Variants in RGPD2 observed in about 807,000 individuals in gnomAD.
RGPD2 encodes the protein RANBP2 like and GRIP domain containing 2, also known as RANBP2-like and GRIP domain-containing protein 2.
Under a neutral mutation model 36.0 loss-of-function variants are expected in RGPD2, and 2 were observed. The ratio of observed to expected loss-of-function variants is 0.06; its 90% confidence interval spans 0.02 to 0.17. RGPD2 has a LOEUF of 0.17. RGPD2 is among the 10% of genes least tolerant of loss of function. The probability of loss-of-function intolerance (pLI) is 1.00; values close to 1 mark genes in which losing one functional copy is unlikely to be tolerated. For synonymous variants in RGPD2, 19 were observed against 163.8 expected, an observed-to-expected ratio of 0.12 and a Z score of 6.75; for missense variants, 40 against 464.3, an observed-to-expected ratio of 0.09 and a Z score of 8.40.
chr2:87,985,714 T>A, the RGPD2 span: 1 of 1,560,528 alleles, frequency 6.4e-7, no homozygotes, highest in Non-Finnish European at 8.8e-7. Context: ...AGAAAACAAT[T>A]GTATTTACTT....
chr2:87,822,425 TA>T (rs1686420768), intron 1 of RGPD2, among the ~76,000 whole-genome samples: 1 of 144,642 alleles, frequency 6.9e-6, no homozygotes, highest in African/African-American at 2.6e-5. Context: ...ATCAGACTCC[TA>T]ACAACAGAAC....
At chr2:87,864,576 T>TGATAGATAGATAGATAGATA in the RGPD2 span, among the ~76,000 whole-genome samples, 2 of 151,296 alleles carry the variant, frequency 1.3e-5, no homozygotes, top group African/African-American at 2.4e-5. Context: ...CATAGATAGA[T>TGATAGATAGATAGATAGATA]GATAGATAGA....
At chr2:87,769,398 AG>A (rs1165563575) in intron 22 of RGPD2, among the ~76,000 whole-genome samples, 1 of 151,928 alleles carries the variant, frequency 6.6e-6, no homozygotes, top group African/African-American at 2.4e-5. Flanking sequence ...TAATCTTTAA[AG>A]GGCAAACTAA....
chr2:87,909,206 C>G, the RGPD2 span, among the ~76,000 whole-genome samples: 15 of 152,238 alleles, frequency 9.9e-5, no homozygotes, highest in East Asian at 2.9e-3. Context: ...CTGCCACAGT[C>G]AGAGGGAATG....
At chr2:87,760,911 C>G (rs1365839446) in intron 22 of RGPD2, among the ~76,000 whole-genome samples, 2 of 150,450 alleles carry the variant, frequency 1.3e-5, no homozygotes, top group African/African-American at 4.9e-5. Context: ...GCCACCATGC[C>G]TGGCTTTCTC....
chr2:87,976,659 T>C, the RGPD2 span, among the ~76,000 whole-genome samples: 1 of 152,086 alleles, frequency 6.6e-6, no homozygotes, highest in Admixed American at 6.5e-5. Flanking sequence ...CTTAATTAAC[T>C]ACCACATGGG....
intron 22 of RGPD2, among the ~76,000 whole-genome samples, chr2:87,771,930 TAGA>T (rs1685137631): frequency 6.6e-6 from 1 of 152,260 alleles, no homozygotes; most frequent in African/African-American, 2.4e-5. Context: ...TTCAAAGAGC[TAGA>T]AGATCAAGCT....
chr2:87,918,706 G>A, the RGPD2 span, among the ~76,000 whole-genome samples: 1 of 151,976 alleles, frequency 6.6e-6, no homozygotes, highest in Non-Finnish European at 1.5e-5. Flanking sequence ...CTACTGGAAT[G>A]GTCCACGTCT....
the RGPD2 span, among the ~76,000 whole-genome samples, chr2:87,948,123 AG>A: frequency 6.6e-6 from 1 of 152,218 alleles, no homozygotes; most frequent in Non-Finnish European, 1.5e-5. Flanking sequence ...TTCCTGTTAA[AG>A]GTAATGGATT....
the RGPD2 span, among the ~76,000 whole-genome samples, chr2:87,870,307 A>C: frequency 6.6e-6 from 1 of 152,242 alleles, no homozygotes; most frequent in Non-Finnish European, 1.5e-5. Flanking sequence ...TGGTCTATAG[A>C]CCAAAGTCTA....
Position 87,760,763 on chromosome 2 carries a change from G to A in RGPD2, c.5237-3337C>T, listed in dbSNP as rs1418832399. On this transcript the variant is annotated intron_variant, in intron 22 of 22. Coordinates refer to ENST00000398146, the MANE Select transcript of RGPD2 (RefSeq NM_001078170.3). ...CTCCCGAGTAGCTGGGACTACAGGC[G>A]CCTGCCACCACGCCCCGCTAATTTT... 8.5e-4 allele frequency among the ~76,000 whole-genome samples: 31 copies of A among 36,348 alleles called. 2 individuals carry two copies. The highest frequency in any genetic ancestry group is 3.3e-3 in the African/African-American group (31 of 9,344). 23.8% of individuals were successfully genotyped at this position (36,348 alleles called of 152,430 possible). A position where few individuals can be genotyped will look rare whatever the true frequency, so the allele number is the denominator to read the frequency against.
the RGPD2 span, among the ~76,000 whole-genome samples, chr2:87,843,575 AG>A: frequency 9.6e-4 from 138 of 143,908 alleles, no homozygotes; most frequent in African/African-American, 3.5e-3. Context: ...GGTGCTGGAG[AG>A]GATGTGGAGA....
the RGPD2 span, among the ~76,000 whole-genome samples, chr2:87,917,567 T>C: frequency 2.8e-5 from 1 of 36,332 alleles, no homozygotes; most frequent in Non-Finnish European, 5.0e-5. Flanking sequence ...GTAAGGAGAC[T>C]AGTGAAGAGG....
the RGPD2 span, among the ~76,000 whole-genome samples, chr2:87,929,579 A>C: frequency 1.3e-5 from 2 of 151,552 alleles, no homozygotes; most frequent in African/African-American, 2.4e-5. Flanking sequence ...GAAATTTAAA[A>C]TAGTTTTCTC....
chr2:87,826,132 A>T (rs1686803498), upstream of RGPD2, among the ~76,000 whole-genome samples: 2 of 152,192 alleles, frequency 1.3e-5, no homozygotes, highest in African/African-American at 2.4e-5. Context: ...TATCTCAGTT[A>T]AGAATTATTT....
At chr2:87,847,193 T>C in the RGPD2 span, among the ~76,000 whole-genome samples, 5 of 151,968 alleles carry the variant, frequency 3.3e-5, no homozygotes, top group East Asian at 9.7e-4. Context: ...TAAGCCACTT[T>C]GCATGTTAAG....
At chr2:87,915,408 A>G in the RGPD2 span, among the ~76,000 whole-genome samples, 1 of 141,256 alleles carries the variant, frequency 7.1e-6, no homozygotes, top group Non-Finnish European at 1.5e-5. Context: ...TATTATATAT[A>G]TTGTATATAT....
At chr2:87,809,157 T>C (rs1403942866) in intron 6 of RGPD2, among the ~76,000 whole-genome samples, 2 of 150,274 alleles carry the variant, frequency 1.3e-5, no homozygotes, top group African/African-American at 4.9e-5. Context: ...TACAAAAAAT[T>C]AGCTGGGTGT....
the RGPD2 span, chr2:87,989,025 A>G: frequency 3.9e-6 from 1 of 256,112 alleles, no homozygotes; most frequent in South Asian, 9.0e-5. Context: ...GGCTTCAAAA[A>G]TGGCAAAATA....
Sources: gnomAD v4.1 joint callset for allele counts (sites outside exome capture counted in the v4.1 genomes callset) on GRCh38, gnomAD v4.1.1 for gene constraint, MANE v1.5 for transcripts, NCBI Gene and HGNC (gene_info 2026-07-23, HGNC 2026-07-21) for gene names.